Variants in ABI2 observed in about 807,000 individuals in gnomAD.
ABI2 encodes abl interactor 2, also known as abelson interactor 2.
Under a neutral mutation model 59.2 loss-of-function variants are expected in ABI2, and 25 were observed. That is an observed-to-expected ratio of 0.42 (90% CI 0.31 to 0.59). The LOEUF is 0.59. Among genes scored for constraint, ABI2 ranks in the 20% least tolerant of loss-of-function variants. The probability of loss-of-function intolerance (pLI) is 0.14; values close to 1 mark genes in which losing one functional copy is unlikely to be tolerated. For missense variants in ABI2, 545 were observed against 681.8 expected (o/e 0.80, Z 2.23); for synonymous variants, 213 against 235.5 (o/e 0.90, Z 0.87).
intron 4 of ABI2, among the ~76,000 whole-genome samples, chr2:203,388,841 A>G (rs893253230): frequency 1.3e-5 from 2 of 152,198 alleles, no homozygotes; most frequent in African/African-American, 4.8e-5. Flanking sequence ...TAAAACAAAT[A>G]TAAGCTGGAA....
At chr2:203,340,715 A>C (rs1015992865) in intron 1 of ABI2, among the ~76,000 whole-genome samples, 1 of 152,040 alleles carries the variant, frequency 6.6e-6, no homozygotes, top group East Asian at 1.9e-4. Context: ...TAATCAAGAA[A>C]TGATTATCTT....
intron 5 of ABI2, among the ~76,000 whole-genome samples, chr2:203,392,311 CCACCAACAACAACAA>C (rs1187176307): frequency 1.7e-3 from 153 of 89,652 alleles, no homozygotes; most frequent in Non-Finnish European, 2.7e-3. Flanking sequence ...ACCACCACCA[CCACCAACAACAACAA>C]CAACAACAAC....
intron 1 of ABI2, among the ~76,000 whole-genome samples, chr2:203,330,894 T>C (rs2072815736): frequency 6.6e-6 from 1 of 152,218 alleles, no homozygotes; most frequent in Non-Finnish European, 1.5e-5. Context: ...AGCAGTTTTC[T>C]TTTTAAATAT....
Position 203,359,741 on chromosome 2 carries a change from T to C in ABI2, c.118-7136T>C, listed in dbSNP as rs563853434. Among the ~76,000 whole-genome samples, 20 of 152,244 alleles carry C rather than the reference T, an allele frequency of 1.3e-4. No homozygotes were observed. The East Asian group carries it at 2.5e-3, about 19-fold the overall frequency. On this transcript the variant is annotated intron_variant, in intron 1 of 11. Coordinates refer to ENST00000261018, the MANE Select transcript of ABI2 (RefSeq NM_001375670.1). The stretch of plus-strand genomic sequence containing the variant: ...AACAAGCTCCCTTGGACCTCTTTTA[T>C]AAGGGCACTAATCCCATTCATGAAG...
chr2:203,408,811 T>G (rs1235834440), intron 9 of ABI2, among the ~76,000 whole-genome samples: 1 of 150,834 alleles, frequency 6.6e-6, no homozygotes, highest in Non-Finnish European at 1.5e-5. Flanking sequence ...TTATCTTTTT[T>G]GTCTATGCTA....
In ABI2 at chr2:203,395,448, TACAC is replaced by T. The variant is rs59156204; in HGVS notation, c.726-174_726-171del. On this transcript the variant is annotated intron_variant, in intron 6 of 11. Transcript: ENST00000261018. ...TAATAAGTAAATATATATATATATA[TACAC>T]ACACACACACACACACACACACACA... Among the ~76,000 whole-genome samples, 421 of 115,292 alleles carry T rather than the reference TACAC, an allele frequency of 3.7e-3. 6 individuals are homozygous for T. Among genetic ancestry groups the T allele is most frequent in the South Asian group, 0.017 (51 of 3,016 alleles). The allele number at this position is 115,292 out of a possible 152,430, so 75.6% of individuals were successfully genotyped here.
chr2:203,372,803 G>A (rs1342458669), intron 2 of ABI2, among the ~76,000 whole-genome samples: 1 of 151,592 alleles, frequency 6.6e-6, no homozygotes, highest in African/African-American at 2.4e-5. Context: ...TGGGGCGGCC[G>A]GGCAGAGACG....
chr2:203,371,985 T>TG (rs2095254377), intron 2 of ABI2, among the ~76,000 whole-genome samples: 2 of 151,978 alleles, frequency 1.3e-5, no homozygotes, highest in Non-Finnish European at 2.9e-5. Context: ...GAGGGGGAGT[T>TG]GGCAGGGTCA....
At position 203,395,430 on chromosome 2, in the gene ABI2, TAA is replaced by T. The variant is rs1491288688; in HGVS notation, c.726-224_726-223del. On this transcript the variant is annotated intron_variant, in intron 6 of 11. Transcript: ENST00000261018. The stretch of plus-strand genomic sequence containing the variant: ...TTTTCCCCTCAACTTTATTAATAAG[TAA>T]ATATATATATATATATACACACACA... Among the ~76,000 whole-genome samples the T allele has an allele frequency of 1.1e-4, 9 of 81,498 alleles. 1 individual carries two copies. In the South Asian group the frequency reaches 5.2e-3, roughly 47 times the overall value. 53.5% of individuals were successfully genotyped at this position (81,498 alleles called of 152,430 possible). A position where few individuals can be genotyped will look rare whatever the true frequency, so the allele number is the denominator to read the frequency against.
At chr2:203,342,552 T>TTTATTTA (rs2080587156) in intron 1 of ABI2, among the ~76,000 whole-genome samples, 2 of 140,472 alleles carry the variant, frequency 1.4e-5, no homozygotes, top group Admixed American at 7.3e-5. Flanking sequence ...CCTCAAAACC[T>TTTATTTA]TTTATTTATT....
chr2:203,405,895 CAT>C (rs2097405567), intron 9 of ABI2, among the ~76,000 whole-genome samples: 1 of 152,106 alleles, frequency 6.6e-6, no homozygotes, highest in Non-Finnish European at 1.5e-5. Context: ...GCAATTATAA[CAT>C]AGGAGTTAAA....
chr2:203,338,963 A>AATATATATATATATATATATAAAT (rs1491155859), intron 1 of ABI2, among the ~76,000 whole-genome samples: 2 of 9,990 alleles, frequency 2.0e-4, no homozygotes, highest in South Asian at 3.3e-3. Flanking sequence ...TATATATATA[A>AATATATATATATATATATATAAAT]ATATATATAT....
At chr2:203,406,621 T>G (rs2097436968) in intron 9 of ABI2, among the ~76,000 whole-genome samples, 1 of 152,236 alleles carries the variant, frequency 6.6e-6, no homozygotes, top group Non-Finnish European at 1.5e-5. Flanking sequence ...AGAAGAATAC[T>G]GATGTGTTGG....
chr2:203,368,501 A>C (rs970273060), intron 2 of ABI2, among the ~76,000 whole-genome samples: 12 of 152,126 alleles, frequency 7.9e-5, no homozygotes. Flanking sequence ...GAGAGTCTAA[A>C]GTTTAGCAAA....
chr2:203,331,111 T>C (rs1282338515), intron 1 of ABI2, among the ~76,000 whole-genome samples: 1 of 152,174 alleles, frequency 6.6e-6, no homozygotes, highest in Non-Finnish European at 1.5e-5. Flanking sequence ...ACTTTCTCTT[T>C]TTTGATTATC....
intron 1 of ABI2, among the ~76,000 whole-genome samples, chr2:203,349,365 C>G (rs1000313438): frequency 6.6e-6 from 1 of 152,072 alleles, no homozygotes; most frequent in African/African-American, 2.4e-5. Flanking sequence ...CTGTCTAATC[C>G]TGAAGTCTCC....
intron 1 of ABI2, among the ~76,000 whole-genome samples, chr2:203,352,097 A>C (rs758211300): frequency 6.6e-6 from 1 of 152,152 alleles, no homozygotes; most frequent in Admixed American, 6.6e-5. Flanking sequence ...CAATTTTAAA[A>C]CTATGAAAGT....
intron 5 of ABI2, among the ~76,000 whole-genome samples, chr2:203,392,822 C>G (rs1230243684): frequency 1.3e-5 from 2 of 152,000 alleles, no homozygotes; most frequent in Non-Finnish European, 2.9e-5. Context: ...GCTCATATAC[C>G]AATGTTTGTT....
chr2:203,356,766 G>T (rs1273443851), intron 1 of ABI2, among the ~76,000 whole-genome samples: 2 of 152,068 alleles, frequency 1.3e-5, no homozygotes. Flanking sequence ...CTCCCAGAGT[G>T]TTGGGATTAT....
Sources: gnomAD v4.1 joint callset for allele counts (sites outside exome capture counted in the v4.1 genomes callset) on GRCh38, gnomAD v4.1.1 for gene constraint, MANE v1.5 for transcripts, NCBI Gene and HGNC (gene_info 2026-07-23, HGNC 2026-07-21) for gene names.